Variants in DNAJB6 observed in about 807,000 individuals in gnomAD.
DNAJB6 encodes the protein dnaJ homolog subfamily B member 6.
A neutral mutation model predicts 42.7 loss-of-function variants in DNAJB6; 16 were observed. The observed-to-expected ratio is 0.37, with a 90% CI of 0.25 to 0.57. The LOEUF (loss-of-function observed/expected upper bound fraction) is 0.57. DNAJB6 is among the 20% of genes least tolerant of loss of function. The pLI is 0.74. For synonymous variants in DNAJB6, 170 were observed against 163.5 expected (o/e 1.04, Z -0.30); for missense variants, 347 against 416.8 (o/e 0.83, Z 1.46).
intron 8 of DNAJB6, among the ~76,000 whole-genome samples, chr7:157,389,773 T>C (rs1293924175): frequency 6.6e-6 from 1 of 152,246 alleles, no homozygotes; most frequent in Non-Finnish European, 1.5e-5. Context: ...GTCACTGATT[T>C]CCAGAGACAG....
chr7:157,364,214 A>G (rs1799741713), intron 3 of DNAJB6, among the ~76,000 whole-genome samples: 2 of 152,048 alleles, frequency 1.3e-5, no homozygotes, highest in Non-Finnish European at 2.9e-5. Context: ...AAAAAACAAA[A>G]CAAAACCAAA....
intron 8 of DNAJB6, among the ~76,000 whole-genome samples, chr7:157,390,538 C>G (rs748675364): frequency 6.6e-5 from 10 of 152,180 alleles, no homozygotes; most frequent in African/African-American, 2.2e-4. Flanking sequence ...CCATAGAGAC[C>G]GGAGGTTTTC....
intron 1 of DNAJB6, among the ~76,000 whole-genome samples, chr7:157,354,565 C>T (rs796419102): frequency 1.2e-3 from 185 of 152,250 alleles, no homozygotes; most frequent in African/African-American, 4.2e-3. Flanking sequence ...TCTCCAACTC[C>T]TGGGCTCAAG....
Position 157,416,240 on chromosome 7 carries a change from G to T in DNAJB6, c.*142G>T. On this transcript the variant is annotated 3_prime_UTR_variant, in exon 10 of 10. Coordinates refer to ENST00000262177, the MANE Select transcript of DNAJB6 (RefSeq NM_058246.4). ...CGCTCGGCAGGATTATGCGATCACG[G>T]ATCAGTCAGAGCAGGGTCAGGAGAC... 7.3e-7 allele frequency: 1 copy of T among 1,363,298 alleles called. No individual in the cohort carries two copies. 84.5% of individuals were successfully genotyped at this position (1,363,298 alleles called of 1,614,324 possible). A position where few individuals can be genotyped will look rare whatever the true frequency, so the allele number is the denominator to read the frequency against.
At chr7:157,356,942 CTAAA>C (rs896118701) in intron 1 of DNAJB6, among the ~76,000 whole-genome samples, 2 of 151,970 alleles carry the variant, frequency 1.3e-5, no homozygotes, top group Non-Finnish European at 2.9e-5. Flanking sequence ...TTATATACAT[CTAAA>C]TAGATCCTGA....
At chr7:157,370,188 C>CTTCTTAACATTATTATTAAAGAGGCCCT (rs1563129081) in intron 5 of DNAJB6, among the ~76,000 whole-genome samples, 11 of 143,894 alleles carry the variant, frequency 7.6e-5, no homozygotes, top group South Asian at 6.6e-4. Context: ...AAACAGGCCC[C>CTTCTTAACATTATTATTAAAGAGGCCCT]TTCTTAACAT....
At chr7:157,367,074 C>T (rs1799880926) in intron 4 of DNAJB6, among the ~76,000 whole-genome samples, 1 of 152,170 alleles carries the variant, frequency 6.6e-6, no homozygotes, top group African/African-American at 2.4e-5. Flanking sequence ...TCTTCATAAA[C>T]CTTCATAACA....
chr7:157,377,139 T>C (rs1439807496), intron 5 of DNAJB6, among the ~76,000 whole-genome samples: 1 of 152,224 alleles, frequency 6.6e-6, no homozygotes, highest in East Asian at 1.9e-4. Flanking sequence ...TTCAGACCTT[T>C]AACATGTGCT....
At chr7:157,393,607 C>G (rs1421729920) in intron 8 of DNAJB6, among the ~76,000 whole-genome samples, 1 of 152,202 alleles carries the variant, frequency 6.6e-6, no homozygotes, top group Non-Finnish European at 1.5e-5. Flanking sequence ...CTGCCTACCC[C>G]AACACCAGGT....
intron 5 of DNAJB6, chr7:157,381,987 G>T: frequency 3.2e-6 from 1 of 308,350 alleles, no homozygotes; most frequent in South Asian, 4.5e-5. Context: ...AAGAATGTGT[G>T]TATGTGCTGT....
rs1412483353 is a variant in DNAJB6 at position 157,386,698 on chromosome 7, G to C, written c.691+1087G>C. 2.0e-5 allele frequency among the ~76,000 whole-genome samples: 3 copies of C among 152,156 alleles called. No individual in the cohort carries two copies. In the East Asian group the frequency reaches 5.8e-4, roughly 29 times the overall value. Reference sequence around the variant, plus strand: ...AGGAGTTTGAGACCAGCCTGACCAAGATGGTGAAACCCCTGTCTCTACTAA... The same window carrying C: ...AGGAGTTTGAGACCAGCCTGACCAACATGGTGAAACCCCTGTCTCTACTAA... On this transcript the variant is annotated intron_variant, in intron 8 of 9. Coordinates refer to ENST00000262177, the MANE Select transcript of DNAJB6 (RefSeq NM_058246.4).
chr7:157,355,946 C>T (rs968851463), intron 1 of DNAJB6, among the ~76,000 whole-genome samples: 2 of 152,264 alleles, frequency 1.3e-5, no homozygotes, highest in African/African-American at 4.8e-5. Context: ...GTTCTCACCT[C>T]TGTGCTCACT....
At chr7:157,410,669 T>C (rs1795942409) in intron 9 of DNAJB6, 1 of 150,496 alleles carries the variant, frequency 6.6e-6, no homozygotes, top group Non-Finnish European at 1.5e-5. Flanking sequence ...GAATCGTGCG[T>C]CAGTTGGAAG....
At chr7:157,359,667 A>T (rs187957439) in intron 2 of DNAJB6, among the ~76,000 whole-genome samples, 2 of 152,336 alleles carry the variant, frequency 1.3e-5, no homozygotes, top group East Asian at 3.9e-4. Flanking sequence ...TGACCAAAAA[A>T]AAATAGTTGG....
intron 5 of DNAJB6, chr7:157,379,618 G>A (rs1300243680): frequency 6.6e-6 from 1 of 152,018 alleles, no homozygotes; most frequent in Non-Finnish European, 1.5e-5. Context: ...CAAGGAGGTG[G>A]GACTAAAGAT....
intron 1 of DNAJB6, among the ~76,000 whole-genome samples, chr7:157,352,612 C>T (rs990860785): frequency 7.2e-5 from 11 of 152,194 alleles, no homozygotes; most frequent in Admixed American, 2.6e-4. Context: ...GTGTGCCCAT[C>T]GCTCCTGCCT....
At chr7:157,369,248 A>G (rs1799993772) in intron 5 of DNAJB6, 3 of 456,510 alleles carry the variant, frequency 6.6e-6, no homozygotes, top group East Asian at 1.4e-4. Context: ...ATCAACCCTC[A>G]CAGGCAAGAA....
In DNAJB6 at chr7:157,367,624, C is replaced by T; in HGVS notation, c.346+141C>T. The T allele has an allele frequency of 6.7e-6, 4 of 596,280 alleles. No homozygotes were observed. In the Middle Eastern group the frequency reaches 1.1e-3, roughly 162 times the overall value. 36.9% of individuals were successfully genotyped at this position (596,280 alleles called of 1,614,324 possible). ...GCCTGTAATCCCAGCACTTTGGGAGCCTGAGGCGGGCAGATCACCTGAGGT... is the reference window on the plus strand; with the variant it reads ...GCCTGTAATCCCAGCACTTTGGGAGTCTGAGGCGGGCAGATCACCTGAGGT... On this transcript the variant is annotated intron_variant, in intron 5 of 9. Transcript: ENST00000262177.
intron 6 of DNAJB6, among the ~76,000 whole-genome samples, chr7:157,383,303 G>T (rs1800881899): frequency 6.6e-6 from 1 of 152,168 alleles, no homozygotes; most frequent in Non-Finnish European, 1.5e-5. Context: ...ACCACTCCTG[G>T]CCTGGAGCTG....
Sources: gnomAD v4.1 joint callset for allele counts (sites outside exome capture counted in the v4.1 genomes callset) on GRCh38, gnomAD v4.1.1 for gene constraint, MANE v1.5 for transcripts, NCBI Gene and HGNC (gene_info 2026-07-23, HGNC 2026-07-21) for gene names.